Variants in WWOX observed in about 807,000 individuals in gnomAD.
The protein encoded by WWOX is WW domain containing oxidoreductase, also known as WW domain-containing oxidoreductase.
In WWOX, 69 loss-of-function variants were observed where a neutral mutation model predicts 46.2. The observed-to-expected ratio is 1.49, with a 90% CI of 1.23 to 1.82. The LOEUF (loss-of-function observed/expected upper bound fraction) is 1.82. Among genes scored for constraint, WWOX ranks in the 40% most tolerant of loss-of-function variants. The probability of loss-of-function intolerance (pLI) is 0.00; values close to 1 mark genes in which losing one functional copy is unlikely to be tolerated. For missense variants in WWOX, 919 were observed against 542.6 expected (o/e 1.69, Z -6.89); for synonymous variants, 359 against 202.6 (o/e 1.77, Z -6.56).
chr16:79,053,374 C>G (rs981964639), intron 8 of WWOX, among the ~76,000 whole-genome samples: 2 of 152,124 alleles, frequency 1.3e-5, no homozygotes, highest in Admixed American at 6.5e-5. Context: ...TTAGTGCGCA[C>G]GTAAAGAAAC....
chr16:79,123,356 T>G (rs963826472), intron 8 of WWOX, among the ~76,000 whole-genome samples: 11 of 152,168 alleles, frequency 7.2e-5, no homozygotes, highest in Middle Eastern at 3.2e-3. Context: ...TCTTGGCATC[T>G]TACCTATAAA....
At chr16:78,191,083 G>A (rs957125760) in intron 5 of WWOX, among the ~76,000 whole-genome samples, 5 of 152,122 alleles carry the variant, frequency 3.3e-5, no homozygotes, top group Admixed American at 6.5e-5. Flanking sequence ...CTTTCCAACC[G>A]CAGTGTTGAG....
At chr16:78,723,671 C>G (rs2048755147) in intron 8 of WWOX, among the ~76,000 whole-genome samples, 1 of 100,518 alleles carries the variant, frequency 9.9e-6, no homozygotes, top group South Asian at 3.8e-4. Flanking sequence ...ATTCTGAGAG[C>G]ATCCTGTAAT....
intron 8 of WWOX, among the ~76,000 whole-genome samples, chr16:79,056,770 A>T (rs1043908449): frequency 2.6e-5 from 4 of 152,194 alleles, no homozygotes; most frequent in African/African-American, 9.7e-5. Flanking sequence ...TGCTAAGTTT[A>T]TGTGATCTTG....
intron 8 of WWOX, among the ~76,000 whole-genome samples, chr16:78,618,218 C>T (rs541170618): frequency 1.3e-5 from 2 of 152,350 alleles, no homozygotes; most frequent in East Asian, 3.9e-4. Flanking sequence ...TCTCCAACCT[C>T]TGTCCATCTG....
intron 1 of WWOX, among the ~76,000 whole-genome samples, chr16:78,102,038 AGCCTGTTGAGTACCC>A (rs1336594748): frequency 6.6e-6 from 1 of 152,166 alleles, no homozygotes; most frequent in East Asian, 1.9e-4. Flanking sequence ...CTCCCGCATC[AGCCTGTTGAGTACCC>A]GGGACCACAG....
intron 8 of WWOX, among the ~76,000 whole-genome samples, chr16:79,194,898 C>T (rs746645784): frequency 6.6e-6 from 1 of 152,230 alleles, no homozygotes; most frequent in East Asian, 1.9e-4. Flanking sequence ...CCATGCCATA[C>T]TCCCCAAACT....
intron 8 of WWOX, among the ~76,000 whole-genome samples, chr16:78,985,538 G>A (rs1000866963): frequency 6.6e-6 from 1 of 152,092 alleles, no homozygotes; most frequent in African/African-American, 2.4e-5. Flanking sequence ...GGAGGCCAAG[G>A]TGGGAGGATC....
chr16:79,047,229 C>T (rs1458342265), intron 8 of WWOX, among the ~76,000 whole-genome samples: 1 of 152,096 alleles, frequency 6.6e-6, no homozygotes, highest in Non-Finnish European at 1.5e-5. Context: ...ACAAATTGTC[C>T]TTACCCTCAT....
intron 8 of WWOX, among the ~76,000 whole-genome samples, chr16:79,079,341 TC>T (rs1377446723): frequency 6.6e-6 from 1 of 151,714 alleles, no homozygotes; most frequent in African/African-American, 2.4e-5. Context: ...TTTCTTGGGT[TC>T]CCCCCGACAA....
intron 8 of WWOX, among the ~76,000 whole-genome samples, chr16:78,601,088 G>A (rs1168894156): frequency 1.3e-5 from 2 of 152,160 alleles, no homozygotes; most frequent in Non-Finnish European, 2.9e-5. Context: ...TATGTGTCAG[G>A]CCTTCAGGAC....
intron 8 of WWOX, among the ~76,000 whole-genome samples, chr16:78,673,344 G>A (rs976304484): frequency 6.6e-6 from 1 of 152,214 alleles, no homozygotes. Flanking sequence ...AGAGCTGGCT[G>A]TGCTAGGAAA....
chr16:78,422,844 TACACACACAC>T lies in WWOX; in HGVS notation c.606-1994_606-1985del, dbSNP rs370327902. Among the ~76,000 whole-genome samples, 118 of 105,108 alleles carry T rather than the reference TACACACACAC, an allele frequency of 1.1e-3. 3 individuals carry two copies. The highest frequency in any genetic ancestry group is 2.2e-3 in the African/African-American group (45 of 20,450). 69.0% of individuals were successfully genotyped at this position (105,108 alleles called of 152,430 possible). On this transcript the variant is annotated intron_variant, in intron 6 of 8. Transcript: ENST00000566780. ...ACACACACATATATATATATACATA[TACACACACAC>T]ACACACACACACACACACACACACA...
intron 5 of WWOX, among the ~76,000 whole-genome samples, chr16:78,302,489 T>C (rs183403251): frequency 1.1e-4 from 16 of 152,272 alleles, no homozygotes; most frequent in Admixed American, 2.6e-4. Flanking sequence ...TCAGGAGATA[T>C]TGCCTACCTG....
At chr16:78,681,011 G>A (rs149135615) in intron 8 of WWOX, among the ~76,000 whole-genome samples, 2 of 152,324 alleles carry the variant, frequency 1.3e-5, no homozygotes, top group African/African-American at 4.8e-5. Context: ...CACTTTGGGA[G>A]GCCGAGGTGG....
intron 7 of WWOX, among the ~76,000 whole-genome samples, chr16:78,426,354 T>G (rs2083077442): frequency 6.6e-6 from 1 of 152,160 alleles, no homozygotes. Flanking sequence ...TTAAATGAGC[T>G]GGTATTTAAT....
At chr16:79,030,823 C>T (rs890123983) in intron 8 of WWOX, among the ~76,000 whole-genome samples, 3 of 152,114 alleles carry the variant, frequency 2.0e-5, no homozygotes, top group African/African-American at 7.2e-5. Flanking sequence ...TGCCTCATTC[C>T]TGTAATTCTA....
chr16:79,111,780 T>G (rs2049421461), intron 8 of WWOX, among the ~76,000 whole-genome samples: 2 of 152,074 alleles, frequency 1.3e-5, no homozygotes, highest in South Asian at 2.1e-4. Context: ...AAAGAACAAT[T>G]GATTATGATT....
At chr16:78,161,078 A>G (rs1272546200) in intron 4 of WWOX, among the ~76,000 whole-genome samples, 2 of 152,084 alleles carry the variant, frequency 1.3e-5, no homozygotes, top group African/African-American at 4.8e-5. Flanking sequence ...TTTTTCTGAA[A>G]TTAGTACAGC....
Sources: allele counts gnomAD v4.1 joint callset (sites outside exome capture counted in the v4.1 genomes callset), GRCh38; gene constraint gnomAD v4.1.1; transcripts MANE v1.5; gene names NCBI Gene and HGNC (gene_info 2026-07-23, HGNC 2026-07-21).